Variants in GOLM2 observed in about 807,000 individuals in gnomAD.
GOLM2 encodes the protein protein GOLM2.
In GOLM2, 26 loss-of-function variants were observed where a neutral mutation model predicts 55.9. That is an observed-to-expected ratio of 0.47 (90% CI 0.34 to 0.65). GOLM2 has a LOEUF of 0.65. Ranked by LOEUF, GOLM2 falls within the 30% of genes least tolerant of loss-of-function variation. The pLI, the probability that GOLM2 is intolerant of heterozygous loss-of-function variation, is 0.01. For missense variants in GOLM2, 486 were observed against 531.8 expected (o/e 0.91, Z 0.85); for synonymous variants, 165 against 194.6 (o/e 0.85, Z 1.27).
At position 44,289,072 on chromosome 15, in the gene GOLM2, T is replaced by C. The variant is rs1395855208; in HGVS notation, c.43T>C (p.Ser15Pro). The C allele has an allele frequency of 3.1e-6, 5 of 1,613,884 alleles. No homozygotes were observed. In the Admixed American group the frequency reaches 5.0e-5, roughly 16 times the overall value. The change falls in exon 1 of 10, where the codon TCT becomes CCT. Residue 15 changes from serine to proline, a missense_variant. Physicochemically the swap from Ser to Pro is moderately conservative, Grantham distance 74 (BLOSUM62 -1). Coordinates refer to ENST00000299957, the MANE Select transcript of GOLM2 (RefSeq NM_138423.4). The surrounding 1 kb of genome is among the most constrained non-coding windows in gnomAD (Gnocchi z 4.8). Reference protein sequence around the residue: ...GANRRAGRLPSLVLVVLLVVI... With the variant: ...GANRRAGRLPPLVLVVLLVVI... Reference sequence around the variant, plus strand: ...CAACCGGCGGGCTGGCCGCCTGCCCTCTCTCGTGCTGGTGGTGCTGCTGGT... The same window carrying C: ...CAACCGGCGGGCTGGCCGCCTGCCCCCTCTCGTGCTGGTGGTGCTGCTGGT...
Position 44,289,705 on chromosome 15 carries a change from G to A in GOLM2, c.327+349G>A, listed in dbSNP as rs1177019281. On this transcript the variant is annotated intron_variant, in intron 1 of 9. Transcript: ENST00000299957. The surrounding 1 kb of genome is among the most constrained non-coding windows in gnomAD (Gnocchi z 4.8). The stretch of plus-strand genomic sequence containing the variant: ...CACAAATCTGGCGACTGCCAGGTTT[G>A]GTGTGGTTATTGTCTCATTTTTATT... Among the ~76,000 whole-genome samples the A allele has an allele frequency of 6.6e-6, 1 of 152,130 alleles. No individual in the cohort carries two copies. Among genetic ancestry groups the A allele is most frequent in the African/African-American group, 2.4e-5 (1 of 41,418 alleles).
chr15:44,382,208 G>A (rs999913856), intron 8 of GOLM2: 3 of 152,042 alleles, frequency 2.0e-5, no homozygotes, highest in African/African-American at 7.2e-5. Flanking sequence ...AATTGGGTTG[G>A]GGGATTGGCC....
At chr15:44,395,503 T>A (rs1461955848) in intron 8 of GOLM2, among the ~76,000 whole-genome samples, 1 of 150,012 alleles carries the variant, frequency 6.7e-6, no homozygotes. Flanking sequence ...TTCTACTGGT[T>A]TTTTTTTTTG....
intron 2 of GOLM2, among the ~76,000 whole-genome samples, chr15:44,327,682 A>G (rs1279885852): frequency 6.6e-6 from 1 of 152,236 alleles, no homozygotes; most frequent in Non-Finnish European, 1.5e-5. Context: ...CTGTGAAATT[A>G]ACATTCACTC....
chr15:44,341,197 C>T (rs1480899933), intron 6 of GOLM2, among the ~76,000 whole-genome samples: 3 of 151,122 alleles, frequency 2.0e-5, no homozygotes, highest in African/African-American at 7.3e-5. Context: ...TCTCCTGCCT[C>T]AGCCTCCCGA....
At chr15:44,330,208 TAAAAAAAAAAAAA>T (rs746756627) in intron 3 of GOLM2, among the ~76,000 whole-genome samples, 1 of 81,480 alleles carries the variant, frequency 1.2e-5, no homozygotes, top group Non-Finnish European at 2.3e-5. Flanking sequence ...CTTGTCTCTT[TAAAAAAAAAAAAA>T]AAAAAAAAAA....
chr15:44,397,640 T>A (rs2079536915), intron 8 of GOLM2, among the ~76,000 whole-genome samples: 1 of 152,166 alleles, frequency 6.6e-6, no homozygotes, highest in South Asian at 2.1e-4. Context: ...AGCTGTTTTC[T>A]GTAAATATTT....
chr15:44,337,772 CA>C lies in GOLM2; in HGVS notation c.590del (p.Lys197ArgfsTer12). On this transcript the variant is annotated frameshift_variant, in exon 5 of 10. Coordinates refer to ENST00000299957, the MANE Select transcript of GOLM2 (RefSeq NM_138423.4). LOFTEE classifies it high-confidence loss of function. Reference protein sequence around the residue: ...QFLEEQKQETQKIQSNDGKEL... With the variant: ...QFLEEQKQETXKIQSNDGKEL... ...AAATTTTGTCTAACAGCAAGAGACC[CA>C]AAAGATTCAATCAAATGATGGAAAG... is the stretch of plus-strand genomic sequence containing the variant. The C allele has an allele frequency of 6.4e-7, 1 of 1,573,072 alleles. No individual in the cohort carries two copies. Among genetic ancestry groups the C allele is most frequent in the Non-Finnish European group, 8.6e-7 (1 of 1,168,068 alleles).
Position 44,300,521 on chromosome 15 carries a change from T to C in GOLM2, c.327+11165T>C, listed in dbSNP as rs139612677. 5.1e-3 allele frequency among the ~76,000 whole-genome samples: 770 copies of C among 152,236 alleles called. 10 individuals carry two copies. Among genetic ancestry groups the C allele is most frequent in the African/African-American group, 0.018 (742 of 41,532 alleles). On this transcript the variant is annotated intron_variant, in intron 1 of 9. Transcript: ENST00000299957. ...ATAAAACAAGCTGCTTTTTGAAAAATGATGACTAGGATTTAGTTGTGCAGA... is the reference window on the plus strand; with the variant it reads ...ATAAAACAAGCTGCTTTTTGAAAAACGATGACTAGGATTTAGTTGTGCAGA...
intron 3 of GOLM2, among the ~76,000 whole-genome samples, chr15:44,331,513 C>A (rs962735451): frequency 1.3e-5 from 2 of 152,106 alleles, no homozygotes; most frequent in African/African-American, 2.4e-5. Context: ...TTATTAGTTT[C>A]TTTCGTTCCT....
intron 6 of GOLM2, among the ~76,000 whole-genome samples, chr15:44,340,009 A>G (rs2079080770): frequency 6.6e-6 from 1 of 151,454 alleles, no homozygotes; most frequent in Admixed American, 6.6e-5. Flanking sequence ...TTTTGTAGAG[A>G]TAAGTTTTCA....
intron 4 of GOLM2, among the ~76,000 whole-genome samples, chr15:44,337,144 A>G (rs1250943495): frequency 6.6e-6 from 1 of 152,066 alleles, no homozygotes; most frequent in Non-Finnish European, 1.5e-5. Flanking sequence ...AGGCAAACTT[A>G]ATACTGGTCC....
intron 6 of GOLM2, among the ~76,000 whole-genome samples, chr15:44,361,221 A>G (rs1381490635): frequency 1.3e-5 from 2 of 152,118 alleles, no homozygotes; most frequent in Non-Finnish European, 2.9e-5. Context: ...AACTGAAGGA[A>G]AAAGAGACAC....
At chr15:44,351,761 G>A (rs1457823164) in intron 6 of GOLM2, among the ~76,000 whole-genome samples, 1 of 151,950 alleles carries the variant, frequency 6.6e-6, no homozygotes, top group Non-Finnish European at 1.5e-5. Context: ...ACAGAAATCA[G>A]TAGCATTTCT....
chr15:44,360,354 A>G (rs1001962798), intron 6 of GOLM2, among the ~76,000 whole-genome samples: 8 of 152,278 alleles, frequency 5.3e-5, no homozygotes, highest in African/African-American at 1.9e-4. Context: ...AAGCATGGAG[A>G]AAGATCTACC....
In GOLM2 at chr15:44,339,292, A is replaced by G. The variant is rs2141147702; in HGVS notation, c.802+975A>G. Among the ~76,000 whole-genome samples, 3 of 152,316 alleles carry G rather than the reference A, an allele frequency of 2.0e-5. 1 individual carries two copies. The highest frequency in any genetic ancestry group is 2.0e-4 in the Admixed American group (3 of 15,304). Reference sequence around the variant, plus strand: ...TGAAAATAAAGAATCAGAATTAGCAAGCTTTGTTTGTAAGACAATGAAGTA... The same window carrying G: ...TGAAAATAAAGAATCAGAATTAGCAGGCTTTGTTTGTAAGACAATGAAGTA... On this transcript the variant is annotated intron_variant, in intron 6 of 9. Transcript: ENST00000299957.
chr15:44,360,029 C>T (rs1363194650), intron 6 of GOLM2, among the ~76,000 whole-genome samples: 2 of 152,074 alleles, frequency 1.3e-5, no homozygotes, highest in East Asian at 1.9e-4. Context: ...ACCAGGCCTG[C>T]CCTAAAAGAG....
Position 44,331,996 on chromosome 15 carries a change from G to A in GOLM2, c.494G>A (p.Cys165Tyr), listed in dbSNP as rs1221945002. ...VKRLEYESFQCGQQMKELRAQ... is the reference protein window; with the variant it reads ...VKRLEYESFQYGQQMKELRAQ... ...ATGACTTTGTAATTTAGTTTTCAGTGTGGACAGCAGATGAAGGAATTGAGA... is the reference window on the plus strand; with the variant it reads ...ATGACTTTGTAATTTAGTTTTCAGTATGGACAGCAGATGAAGGAATTGAGA... Residue 165 changes from cysteine to tyrosine, a missense_variant, in exon 4 of 10, where the codon TGT becomes TAT. By Grantham distance (194) the Cys-to-Tyr change is radical. Transcript: ENST00000299957. The A allele has an allele frequency of 6.2e-7, 1 of 1,602,392 alleles. No homozygotes were observed. The highest frequency in any genetic ancestry group is 8.5e-7 in the Non-Finnish European group (1 of 1,172,278).
intron 8 of GOLM2, among the ~76,000 whole-genome samples, chr15:44,394,945 T>A (rs950390698): frequency 6.6e-6 from 1 of 152,202 alleles, no homozygotes; most frequent in African/African-American, 2.4e-5. Context: ...TTATTGTAAC[T>A]AGCTCTAATA....
Sources: gnomAD v4.1 joint callset for allele counts (sites outside exome capture counted in the v4.1 genomes callset) on GRCh38, gnomAD v4.1.1 for gene constraint, Gnocchi (gnomAD v3.1) non-coding constraint, MANE v1.5 for transcripts, NCBI Gene and HGNC (gene_info 2026-07-23, HGNC 2026-07-21) for gene names.